Variants in SLC6A2 observed in about 807,000 individuals in gnomAD.
The protein encoded by SLC6A2 is solute carrier family 6 member 2.
SLC6A2 carries 26 observed loss-of-function variants against 71.7 expected under a neutral mutation model. The observed-to-expected ratio is 0.36, with a 90% CI of 0.27 to 0.50. The LOEUF is 0.50. Ranked by LOEUF, SLC6A2 falls within the 20% of genes least tolerant of loss-of-function variation. The pLI, the probability that SLC6A2 is intolerant of heterozygous loss-of-function variation, is 0.96. For synonymous variants in SLC6A2, 363 were observed against 337.9 expected, an observed-to-expected ratio of 1.07 and a Z score of -0.82; for missense variants, 581 against 803.9, an observed-to-expected ratio of 0.72 and a Z score of 3.35.
At chr16:55,686,896 A>T (rs1250794144) in intron 5 of SLC6A2, among the ~76,000 whole-genome samples, 1 of 152,206 alleles carries the variant, frequency 6.6e-6, no homozygotes, top group Non-Finnish European at 1.5e-5. Flanking sequence ...TGGGTAATTG[A>T]AGGATGGGTG....
At chr16:55,693,471 G>A (rs145198814) in intron 6 of SLC6A2, among the ~76,000 whole-genome samples, 4 of 152,302 alleles carry the variant, frequency 2.6e-5, no homozygotes, top group Non-Finnish European at 5.9e-5. Flanking sequence ...ACTTGACCAG[G>A]GCTAGAACAT....
chr16:55,685,048 T>C, intron 4 of SLC6A2, 95 bp from the exon 5 acceptor site: 1 of 1,241,412 alleles, frequency 8.1e-7, no homozygotes, highest in Non-Finnish European at 1.2e-6. Context: ...CCTGTCTCCA[T>C]CAGCATGCAT....
At chr16:55,684,219 G>A (rs1965370844) in intron 4 of SLC6A2, among the ~76,000 whole-genome samples, 1 of 150,566 alleles carries the variant, frequency 6.6e-6, no homozygotes, top group Admixed American at 6.6e-5. Flanking sequence ...AGGACCACCT[G>A]AGCCTGGGGA....
chr16:55,683,523 G>A (rs1239836496), intron 4 of SLC6A2, among the ~76,000 whole-genome samples: 1 of 152,124 alleles, frequency 6.6e-6, no homozygotes, highest in East Asian at 1.9e-4. Context: ...TGAGGTATGA[G>A]AATCACTTGA....
intron 2 of SLC6A2, among the ~76,000 whole-genome samples, chr16:55,657,483 C>T (rs1231135271): frequency 6.6e-6 from 1 of 152,138 alleles, no homozygotes; most frequent in Non-Finnish European, 1.5e-5. Context: ...GGGAATACTT[C>T]GGTTTTCTGA....
intron 2 of SLC6A2, among the ~76,000 whole-genome samples, chr16:55,667,861 T>C (rs975769043): frequency 3.3e-5 from 5 of 152,214 alleles, no homozygotes; most frequent in African/African-American, 1.2e-4. Flanking sequence ...TCTGGAGCTC[T>C]TGAGCCAGGC....
intron 4 of SLC6A2, among the ~76,000 whole-genome samples, chr16:55,672,857 T>A (rs1024067280): frequency 1.3e-5 from 2 of 152,156 alleles, no homozygotes; most frequent in African/African-American, 2.4e-5. Flanking sequence ...GAATATCATT[T>A]TAAAAAAGAA....
chr16:55,681,897 T>TA (rs1484968989), intron 4 of SLC6A2, among the ~76,000 whole-genome samples: 1 of 152,190 alleles, frequency 6.6e-6, no homozygotes, highest in Non-Finnish European at 1.5e-5. Context: ...CACTTTAGTG[T>TA]AAATTTGTTT....
chr16:55,700,689 C>T (rs1191314816), intron 13 of SLC6A2, among the ~76,000 whole-genome samples: 1 of 152,132 alleles, frequency 6.6e-6, no homozygotes, highest in African/African-American at 2.4e-5. Flanking sequence ...CCCAGCTCTC[C>T]CCATCCAAGC....
chr16:55,665,111 A>AG (rs1964714099), intron 2 of SLC6A2, among the ~76,000 whole-genome samples: 1 of 152,188 alleles, frequency 6.6e-6, no homozygotes, highest in Non-Finnish European at 1.5e-5. Context: ...GGGAGGAAGT[A>AG]GGGGCAGGGC....
rs138480027 is a variant in SLC6A2, at chr16:55,659,348, T to C, written c.274+2380T>C. ...ATTGACACTGTGTGCTCTTTAGTCATTGCCAGCAAAATAAAGAGCACCTGT... is the reference window on the plus strand; with the variant it reads ...ATTGACACTGTGTGCTCTTTAGTCACTGCCAGCAAAATAAAGAGCACCTGT... On this transcript the variant is annotated intron_variant, in intron 2 of 14. Coordinates refer to ENST00000568943, the MANE Select transcript of SLC6A2 (RefSeq NM_001172501.3). Among the ~76,000 whole-genome samples, 473 of 152,320 alleles carry C rather than the reference T, an allele frequency of 3.1e-3. 6 individuals carry two copies. The South Asian group carries it at 0.048, about 15-fold the overall frequency.
chr16:55,682,838 C>T (rs903508450), intron 4 of SLC6A2, among the ~76,000 whole-genome samples: 19 of 152,076 alleles, frequency 1.2e-4, no homozygotes, highest in African/African-American at 2.4e-4. Context: ...AGTGGGATCT[C>T]GTTTTGGGGG....
At position 55,656,414 on chromosome 16, in the gene SLC6A2, G is replaced by A. The variant is rs1297211849; in HGVS notation, c.-51-230G>A. 3.7e-6 allele frequency: 2 copies of A among 540,064 alleles called. No homozygotes were observed. The highest frequency in any genetic ancestry group is 3.2e-5 in the East Asian group (1 of 30,952). 33.5% of individuals were successfully genotyped at this position (540,064 alleles called of 1,614,324 possible). On this transcript the variant is annotated intron_variant, in intron 1 of 14. Coordinates refer to ENST00000568943, the MANE Select transcript of SLC6A2 (RefSeq NM_001172501.3). The surrounding 1 kb of genome is among the most constrained non-coding windows in gnomAD (Gnocchi z 4.5). ...TGGGTGAACGAGGAAAAGTGCTGCA[G>A]GGTCTTCAGCCGCCCCCAGAGGGCT...
chr16:55,684,568 G>T (rs561786589), intron 4 of SLC6A2, among the ~76,000 whole-genome samples: 2 of 152,262 alleles, frequency 1.3e-5, no homozygotes, highest in East Asian at 3.9e-4. Flanking sequence ...TCAGTCTCTA[G>T]ACCAGGTATT....
Position 55,703,145 on chromosome 16 carries a change from A to G in SLC6A2, c.*799A>G. 1.0e-6 allele frequency: 1 copy of G among 985,624 alleles called. No individual in the cohort carries two copies. The highest frequency in any genetic ancestry group is 1.2e-6 in the Non-Finnish European group (1 of 830,082). 61.1% of individuals were successfully genotyped at this position (985,624 alleles called of 1,614,324 possible). Reference sequence around the variant, plus strand: ...GGAGGCCACGTGGCAAGCCACATCTACTGAGGCCTCATGCTGCTCTTGCTC... The same window carrying G: ...GGAGGCCACGTGGCAAGCCACATCTGCTGAGGCCTCATGCTGCTCTTGCTC... On this transcript the variant is annotated 3_prime_UTR_variant, in exon 15 of 15. Coordinates refer to ENST00000568943, the MANE Select transcript of SLC6A2 (RefSeq NM_001172501.3).
rs1965483237 is a variant in SLC6A2 at position 55,687,272 on chromosome 16, G to A, written c.783+1991G>A. Among the ~76,000 whole-genome samples, 4 of 7,120 alleles carry A rather than the reference G, an allele frequency of 5.6e-4. No homozygotes were observed. In the South Asian group the frequency reaches 0.017, roughly 30 times the overall value. The allele number at this position is 7,120 out of a possible 152,430, so 4.7% of individuals were successfully genotyped here. On this transcript the variant is annotated intron_variant, in intron 5 of 14. Transcript: ENST00000568943. ...AAGTAAAGTAAGAGCTGTCTCTTGG[G>A]ATTTTTGTTTCAGTTACAGCAATCT...
chr16:55,663,687 T>C (rs1768976756), intron 2 of SLC6A2, among the ~76,000 whole-genome samples: 1 of 152,214 alleles, frequency 6.6e-6, no homozygotes, highest in African/African-American at 2.4e-5. Flanking sequence ...CTATTGTTCC[T>C]GGCTCAAAAT....
rs1567463187 is a variant in SLC6A2, at chr16:55,704,496, G to C, written c.*2150G>C. ...TTCTTAGCAAAAGAACAATGTGTTG[G>C]AGGATGGGAAGGGGCGAGAGAATGC... On this transcript the variant is annotated 3_prime_UTR_variant, in exon 15 of 15. Transcript: ENST00000568943. 4 of 152,338 alleles carry C rather than the reference G, an allele frequency of 2.6e-5. No individual in the cohort carries two copies. Among genetic ancestry groups the C allele is most frequent in the Admixed American group, 6.5e-5 (1 of 15,306 alleles). The allele number at this position is 152,338 out of a possible 1,614,324, so 9.4% of individuals were successfully genotyped here.
intron 2 of SLC6A2, among the ~76,000 whole-genome samples, chr16:55,665,281 A>C (rs1015241260): frequency 6.6e-6 from 1 of 152,138 alleles, no homozygotes; most frequent in South Asian, 2.1e-4. Context: ...TCACCTTTAA[A>C]TGTGTCGAAG....
Sources: allele counts gnomAD v4.1 joint callset (sites outside exome capture counted in the v4.1 genomes callset), GRCh38; gene constraint gnomAD v4.1.1; non-coding constraint Gnocchi (gnomAD v3.1); transcripts MANE v1.5; gene names NCBI Gene and HGNC (gene_info 2026-07-23, HGNC 2026-07-21).